CHD6: variants seen among roughly 807,000 people sequenced by gnomAD.
The protein encoded by CHD6 is ATP-dependent chromatin remodeler CHD6.
CHD6 carries 50 observed loss-of-function variants against 276.9 expected under a neutral mutation model. The ratio of observed to expected loss-of-function variants is 0.18; its 90% CI spans 0.14 to 0.23. The LOEUF (loss-of-function observed/expected upper bound fraction) is 0.23. Ranked by LOEUF, CHD6 falls within the 10% of genes least tolerant of loss-of-function variation. The pLI, the probability that CHD6 is intolerant of heterozygous loss-of-function variation, is 1.00. For missense variants in CHD6, 2,564 were observed against 3,365.8 expected, an observed-to-expected ratio of 0.76 and a Z score of 5.89; for synonymous variants, 1,173 against 1,229.3, an observed-to-expected ratio of 0.95 and a Z score of 0.96.
chr20:41,498,065 T>C, intron 7 of CHD6, 103 bp downstream of exon 7: 2 of 816,166 alleles, frequency 2.5e-6, no homozygotes, highest in South Asian at 1.6e-5. Flanking sequence ...GGTCATGCCT[T>C]AGAGGCAAGA....
At chr20:41,601,241 C>T (rs550276668) in intron 1 of CHD6, among the ~76,000 whole-genome samples, 4 of 152,258 alleles carry the variant, frequency 2.6e-5, no homozygotes, top group African/African-American at 9.6e-5. Flanking sequence ...GTTTATTTCC[C>T]CTGAGATCAC....
chr20:41,472,572 T>C (rs921903399), intron 17 of CHD6, among the ~76,000 whole-genome samples: 9 of 152,238 alleles, frequency 5.9e-5, no homozygotes, highest in African/African-American at 9.6e-5. Flanking sequence ...TAAATCTATA[T>C]TCCATATTGT....
intron 1 of CHD6, among the ~76,000 whole-genome samples, chr20:41,579,451 A>G (rs1160113338): frequency 6.6e-6 from 1 of 151,438 alleles, no homozygotes; most frequent in Non-Finnish European, 1.5e-5. Flanking sequence ...AAAAAAAAAA[A>G]AAAATCTTAA....
At chr20:41,506,514 T>C (rs868552232) in intron 5 of CHD6, among the ~76,000 whole-genome samples, 2 of 152,324 alleles carry the variant, frequency 1.3e-5, no homozygotes, top group Middle Eastern at 6.8e-3. Context: ...ATACTTTTAG[T>C]GAAGGCAACT....
intron 5 of CHD6, among the ~76,000 whole-genome samples, chr20:41,504,565 A>G (rs1403474115): frequency 6.6e-6 from 1 of 151,724 alleles, no homozygotes; most frequent in Non-Finnish European, 1.5e-5. Context: ...ACAAGCCACC[A>G]CACCCAGCTA....
intron 25 of CHD6, among the ~76,000 whole-genome samples, chr20:41,443,449 G>A (rs1374081499): frequency 2.0e-5 from 3 of 152,198 alleles, no homozygotes; most frequent in African/African-American, 7.2e-5. Flanking sequence ...TGTCCTTCAC[G>A]TGAGAATTAT....
intron 1 of CHD6, among the ~76,000 whole-genome samples, chr20:41,600,902 T>C (rs1601185586): frequency 2.6e-5 from 4 of 152,254 alleles, no homozygotes; most frequent in East Asian, 1.9e-4. Context: ...GCTGGAAACA[T>C]ACCCAGCCCC....
rs370586122 is a variant in CHD6, at chr20:41,404,665, C to G, written c.8076G>C (p.Leu2692Phe). The G allele has an allele frequency of 1.6e-5, 24 of 1,544,162 alleles. No homozygotes were observed. The African/African-American group carries it at 2.9e-4, about 19-fold the overall frequency. ...GTGCCCCATGTTCTCTCTCTGCGGGCAAAGGGGCACTGGGTTCGGCACAGT... is the reference window on the plus strand; with the variant it reads ...GTGCCCCATGTTCTCTCTCTGCGGGGAAAGGGGCACTGGGTTCGGCACAGT... ...DENCAEPSAP[L>F]PAEREHGAQA... The change falls in exon 37 of 37, where the codon TTG (leucine) becomes TTC (phenylalanine). Residue 2692 changes from leucine (L) to phenylalanine (F), a missense_variant. By Grantham distance (22) the Leu-to-Phe change is conservative (BLOSUM62 0). Around this residue, in one of 7 missense-constraint regions of CHD6, gnomAD observed 238 missense variants for 266.0 expected, o/e 0.89. Coordinates refer to ENST00000373233, the MANE Select transcript of CHD6 (RefSeq NM_032221.5).
chr20:41,550,017 T>C (rs547645696), intron 2 of CHD6, among the ~76,000 whole-genome samples: 2 of 152,320 alleles, frequency 1.3e-5, no homozygotes, highest in Non-Finnish European at 2.9e-5. Context: ...GCCAGGCTGG[T>C]CTCAAACTCC....
At chr20:41,493,753 C>T (rs1487447028) in intron 9 of CHD6, 81 bp from the exon 10 acceptor site, 3 of 1,562,846 alleles carry the variant, frequency 1.9e-6, no homozygotes, top group Admixed American at 1.7e-5. Context: ...TGAAAAACCA[C>T]CCTACGTGAC....
intron 8 of CHD6, among the ~76,000 whole-genome samples, chr20:41,495,107 A>G (rs911224507): frequency 1.3e-5 from 2 of 152,150 alleles, no homozygotes; most frequent in African/African-American, 4.8e-5. Context: ...AATGATACGA[A>G]AAGCTAATAC....
At chr20:41,524,565 A>G (rs888562060) in intron 3 of CHD6, among the ~76,000 whole-genome samples, 1 of 152,230 alleles carries the variant, frequency 6.6e-6, no homozygotes, top group African/African-American at 2.4e-5. Context: ...AGTTTCAAAT[A>G]AAAAGTATAA....
intron 1 of CHD6, among the ~76,000 whole-genome samples, chr20:41,566,968 A>G (rs2045362105): frequency 6.6e-6 from 1 of 152,176 alleles, no homozygotes; most frequent in African/African-American, 2.4e-5. Flanking sequence ...ACACCTGGTT[A>G]GTTTCAACTT....
intron 1 of CHD6, among the ~76,000 whole-genome samples, chr20:41,596,114 C>A (rs1285538508): frequency 6.6e-6 from 1 of 152,216 alleles, no homozygotes; most frequent in Non-Finnish European, 1.5e-5. Flanking sequence ...CGGGCCCCGT[C>A]ACCCCACATT....
At chr20:41,405,941 GTTTTAATCC>G (rs2046662961) in intron 36 of CHD6, among the ~76,000 whole-genome samples, 1 of 152,160 alleles carries the variant, frequency 6.6e-6, no homozygotes, top group Non-Finnish European at 1.5e-5. Flanking sequence ...GTAAGACAGG[GTTTTAATCC>G]CAAGTTTAAA....
chr20:41,568,709 C>T (rs905078351), intron 1 of CHD6, among the ~76,000 whole-genome samples: 1 of 152,146 alleles, frequency 6.6e-6, no homozygotes. Flanking sequence ...AGAGAAGACA[C>T]ATAATGGATT....
chr20:41,527,772 G>GA (rs1299787702), intron 3 of CHD6, among the ~76,000 whole-genome samples: 2 of 152,152 alleles, frequency 1.3e-5, no homozygotes, highest in African/African-American at 4.8e-5. Context: ...TCCTGTGTTG[G>GA]AAACCTCATG....
chr20:41,541,228 C>T (rs562344535), intron 2 of CHD6, among the ~76,000 whole-genome samples: 30 of 152,176 alleles, frequency 2.0e-4, no homozygotes, highest in African/African-American at 6.5e-4. Context: ...AGTCAGTCCC[C>T]GACTCATAAT....
intron 5 of CHD6, among the ~76,000 whole-genome samples, chr20:41,506,724 T>C (rs2043985118): frequency 6.6e-6 from 1 of 152,162 alleles, no homozygotes; most frequent in African/African-American, 2.4e-5. Flanking sequence ...GCCGTGTAGG[T>C]TCAAAATCTG....
Sources: allele counts gnomAD v4.1 joint callset (sites outside exome capture counted in the v4.1 genomes callset), GRCh38; gene constraint gnomAD v4.1.1; regional missense constraint gnomAD v4.1.1; transcripts MANE v1.5; gene names NCBI Gene and HGNC (gene_info 2026-07-23, HGNC 2026-07-21).